Variants in WDFY2 observed in about 807,000 individuals in gnomAD.
WDFY2 encodes the protein WD repeat and FYVE domain containing 2, also known as WD repeat and FYVE domain-containing protein 2.
Under a neutral mutation model 56.4 loss-of-function variants are expected in WDFY2, and 36 were observed. The ratio of observed to expected loss-of-function variants is 0.64; its 90% CI spans 0.49 to 0.84. WDFY2 has a LOEUF of 0.84. Among genes scored for constraint, WDFY2 ranks in the 40% least tolerant of loss-of-function variants. The pLI, the probability that WDFY2 is intolerant of heterozygous loss-of-function variation, is 0.00. For synonymous variants in WDFY2, 176 were observed against 183.7 expected (o/e 0.96, Z 0.34); for missense variants, 444 against 512.2 (o/e 0.87, Z 1.29).
At chr13:51,725,707 T>C (rs1188921848) in intron 5 of WDFY2, among the ~76,000 whole-genome samples, 1 of 151,852 alleles carries the variant, frequency 6.6e-6, no homozygotes, top group Admixed American at 6.6e-5. Flanking sequence ...TTTTTTTTTT[T>C]TTTTAAGACA....
At chr13:51,759,579 C>T (rs1307716351) in intron 11 of WDFY2, among the ~76,000 whole-genome samples, 161 bp from the exon 12 acceptor site, 19 of 152,038 alleles carry the variant, frequency 1.2e-4, no homozygotes, top group Admixed American at 1.2e-3. Context: ...TTTATTTGAA[C>T]TTTTTTGATG....
At chr13:51,721,976 C>T (rs1952501106) in intron 5 of WDFY2, among the ~76,000 whole-genome samples, 1 of 142,502 alleles carries the variant, frequency 7.0e-6, no homozygotes, top group South Asian at 2.5e-4. Context: ...TTCTGAGAAC[C>T]TCCCACCCCC....
intron 1 of WDFY2, among the ~76,000 whole-genome samples, chr13:51,593,261 C>T (rs1480087192): frequency 2.6e-5 from 4 of 152,146 alleles, no homozygotes; most frequent in Non-Finnish European, 5.9e-5. Context: ...CCATCATGAA[C>T]AAGGCATATC....
intron 9 of WDFY2, 67 bp from the exon 10 acceptor site, chr13:51,756,265 G>A: frequency 1.3e-6 from 2 of 1,552,750 alleles, no homozygotes; most frequent in Non-Finnish European, 1.7e-6. Flanking sequence ...GCCAGGAGGG[G>A]TGAGATGCGG....
chr13:51,586,861 A>G (rs570564313), intron 1 of WDFY2: 80 of 152,308 alleles, frequency 5.3e-4, no homozygotes, highest in African/African-American at 1.9e-3. Context: ...CAAGTTGACA[A>G]GTCTGTGCTT....
At chr13:51,735,162 C>T (rs1370524003) in intron 6 of WDFY2, among the ~76,000 whole-genome samples, 1 of 152,230 alleles carries the variant, frequency 6.6e-6, no homozygotes, top group Non-Finnish European at 1.5e-5. Context: ...ATCCTGATGT[C>T]TTGCACAGCC....
At chr13:51,726,865 A>G (rs574531900) in intron 5 of WDFY2, among the ~76,000 whole-genome samples, 1 of 151,932 alleles carries the variant, frequency 6.6e-6, no homozygotes, top group South Asian at 2.1e-4. Flanking sequence ...TGCTCTTTTT[A>G]TATTAGAGAT....
chr13:51,757,186 TA>T (rs1363870879), intron 10 of WDFY2, among the ~76,000 whole-genome samples: 1 of 152,214 alleles, frequency 6.6e-6, no homozygotes, highest in African/African-American at 2.4e-5. Flanking sequence ...ATATCAAATA[TA>T]AAATAAGATG....
intron 4 of WDFY2, among the ~76,000 whole-genome samples, chr13:51,706,095 A>G (rs1192320100): frequency 2.6e-5 from 4 of 152,212 alleles, no homozygotes; most frequent in Non-Finnish European, 5.9e-5. Context: ...GAGTCTCTTA[A>G]TATTTCATAT....
At chr13:51,624,320 G>A (rs1954799051) in intron 1 of WDFY2, among the ~76,000 whole-genome samples, 1 of 152,012 alleles carries the variant, frequency 6.6e-6, no homozygotes, top group African/African-American at 2.4e-5. Flanking sequence ...GCTAGCTATT[G>A]CTCCTGCACT....
chr13:51,612,596 A>T (rs1954524530), intron 1 of WDFY2, among the ~76,000 whole-genome samples: 1 of 152,248 alleles, frequency 6.6e-6, no homozygotes. Context: ...CTGAGAAGTG[A>T]TATAGTCCAT....
chr13:51,760,162 GTT>G lies in WDFY2; in HGVS notation c.*395_*396del. On this transcript the variant is annotated 3_prime_UTR_variant, in exon 12 of 12. Coordinates refer to ENST00000298125, the MANE Select transcript of WDFY2 (RefSeq NM_052950.4). ...GTATTTTGGTCATTATACTTTCTGT[GTT>G]TACTTCAACATGTGTCACGTGGCCA... The G allele has an allele frequency of 6.1e-6, 1 of 164,828 alleles. No homozygotes were observed. The highest frequency in any genetic ancestry group is 1.7e-4 in the East Asian group (1 of 5,928). 10.2% of individuals were successfully genotyped at this position (164,828 alleles called of 1,614,324 possible). A position where few individuals can be genotyped will look rare whatever the true frequency, so the allele number is the denominator to read the frequency against.
chr13:51,620,607 C>T (rs1954706807), intron 1 of WDFY2, among the ~76,000 whole-genome samples: 1 of 152,142 alleles, frequency 6.6e-6, no homozygotes, highest in African/African-American at 2.4e-5. Flanking sequence ...CTCCCATCCA[C>T]CTCTATCCAG....
rs1257621566 is a variant in WDFY2 at position 51,756,381 on chromosome 13, A to G, written c.983A>G (p.Lys328Arg). ...GKAVCGKCSS[K>R]RSSIPLMGFE... ...GCCGTCTGTGGCAAGTGCAGCTCCA[A>G]GCGCTCCTCCATCCCCCTGATGGGC... is the stretch of plus-strand genomic sequence containing the variant. The change falls in exon 10 of 12, where the codon AAG becomes AGG. Residue 328 changes from lysine to arginine, a missense_variant. Physicochemically the swap from Lys to Arg is conservative, Grantham distance 26. Coordinates refer to ENST00000298125, the MANE Select transcript of WDFY2 (RefSeq NM_052950.4). The G allele has an allele frequency of 8.1e-6, 13 of 1,613,994 alleles. No homozygotes were observed. Among genetic ancestry groups the G allele is most frequent in the Non-Finnish European group, 1.0e-5 (12 of 1,180,008 alleles).
At chr13:51,741,029 C>T (rs1202301524) in intron 7 of WDFY2, among the ~76,000 whole-genome samples, 6 of 152,318 alleles carry the variant, frequency 3.9e-5, no homozygotes, top group African/African-American at 7.2e-5. Context: ...GGGAAACTTA[C>T]GCCTACAGTT....
intron 2 of WDFY2, among the ~76,000 whole-genome samples, chr13:51,671,935 C>T (rs970341882): frequency 1.3e-5 from 2 of 151,836 alleles, no homozygotes; most frequent in African/African-American, 2.4e-5. Context: ...AGGTGTGTAC[C>T]GTCACACCCG....
At chr13:51,720,195 C>T (rs375313188) in intron 5 of WDFY2, among the ~76,000 whole-genome samples, 1 of 152,088 alleles carries the variant, frequency 6.6e-6, no homozygotes, top group Non-Finnish European at 1.5e-5. Context: ...TTATAAAATG[C>T]CTATTCAGTG....
chr13:51,710,150 C>T (rs563679761), intron 4 of WDFY2, among the ~76,000 whole-genome samples: 5 of 152,238 alleles, frequency 3.3e-5, no homozygotes, highest in Admixed American at 2.6e-4. Context: ...AATCAATAAA[C>T]GTAATCCATC....
chr13:51,726,125 G>C (rs1952599498), intron 5 of WDFY2, among the ~76,000 whole-genome samples: 1 of 152,076 alleles, frequency 6.6e-6, no homozygotes, highest in Non-Finnish European at 1.5e-5. Context: ...TTCTAAATAT[G>C]AGTGCATACA....
Sources: allele counts gnomAD v4.1 joint callset (sites outside exome capture counted in the v4.1 genomes callset), GRCh38; gene constraint gnomAD v4.1.1; transcripts MANE v1.5; gene names NCBI Gene and HGNC (gene_info 2026-07-23, HGNC 2026-07-21).